Variants in NRG3 observed in about 807,000 individuals in gnomAD.
NRG3 encodes neuregulin 3, also known as pro-neuregulin-3, membrane-bound isoform.
A neutral mutation model predicts 66.9 loss-of-function variants in NRG3; 31 were observed. That is an observed-to-expected ratio of 0.46 (90% CI 0.35 to 0.63). The LOEUF (loss-of-function observed/expected upper bound fraction) is 0.63. NRG3 is among the 20% of genes least tolerant of loss of function. The pLI, the probability that NRG3 is intolerant of heterozygous loss-of-function variation, is 0.00. For synonymous variants in NRG3, 393 were observed against 359.4 expected (o/e 1.09, Z -1.06); for missense variants, 910 against 878.9 (o/e 1.04, Z -0.45).
At position 82,550,210 on chromosome 10, in the gene NRG3, T is replaced by C. The variant is rs374506748; in HGVS notation, c.954-188367T>C. On this transcript the variant is annotated intron_variant, in intron 2 of 8. Transcript: ENST00000372141. ...GTGAAAGGCTGGAGGGAAAATGGTATATTCAACATTAATAAATATTTAACA... is the reference window on the plus strand; with the variant it reads ...GTGAAAGGCTGGAGGGAAAATGGTACATTCAACATTAATAAATATTTAACA... Among the ~76,000 whole-genome samples, 143 of 152,314 alleles carry C rather than the reference T, an allele frequency of 9.4e-4. 1 individual carries two copies. Among genetic ancestry groups the C allele is most frequent in the African/African-American group, 3.4e-3 (140 of 41,582 alleles).
intron 2 of NRG3, among the ~76,000 whole-genome samples, chr10:82,467,000 A>G (rs1204156428): frequency 6.6e-6 from 1 of 152,086 alleles, no homozygotes; most frequent in Non-Finnish European, 1.5e-5. Flanking sequence ...AGCTTCAAGG[A>G]TGTGCAAGCT....
At chr10:82,467,165 G>C (rs1416683891) in intron 2 of NRG3, among the ~76,000 whole-genome samples, 3 of 152,164 alleles carry the variant, frequency 2.0e-5, no homozygotes, top group African/African-American at 7.2e-5. Flanking sequence ...TTATTGACAA[G>C]TTTATCCTTT....
rs370456291 is a variant in NRG3, at chr10:82,132,492, GAT to G, written c.824-226236_824-226235del. Among the ~76,000 whole-genome samples the G allele has an allele frequency of 7.9e-4, 29 of 36,922 alleles. 1 individual carries two copies. The highest frequency in any genetic ancestry group is 2.6e-3 in the East Asian group (4 of 1,562). The allele number at this position is 36,922 out of a possible 152,430, so 24.2% of individuals were successfully genotyped here. ...TGATATATATATGATATATATATAT[GAT>G]ATATATATATCATATATATATGATA... On this transcript the variant is annotated intron_variant, in intron 1 of 8. Coordinates refer to ENST00000372141, the MANE Select transcript of NRG3 (RefSeq NM_001010848.4).
intron 2 of NRG3, among the ~76,000 whole-genome samples, chr10:82,395,554 G>A (rs1053813594): frequency 3.9e-5 from 6 of 152,272 alleles, no homozygotes; most frequent in East Asian, 1.9e-4. Flanking sequence ...GATCTAGGCC[G>A]AAGTCTTTTA....
intron 1 of NRG3, among the ~76,000 whole-genome samples, chr10:81,980,101 T>C (rs970641843): frequency 1.3e-5 from 2 of 152,266 alleles, no homozygotes; most frequent in African/African-American, 4.8e-5. Context: ...CATTCACTTA[T>C]CTATTCCGTT....
chr10:82,673,434 A>C lies in NRG3; in HGVS notation c.954-65143A>C, dbSNP rs537551717. Reference sequence around the variant, plus strand: ...TATTTATATCAATTAGCCTATAGTAAAATTGTTTTCATTATACTGTATTTT... The same window carrying C: ...TATTTATATCAATTAGCCTATAGTACAATTGTTTTCATTATACTGTATTTT... On this transcript the variant is annotated intron_variant, in intron 2 of 8. Transcript: ENST00000372141. Among the ~76,000 whole-genome samples, 22 of 152,294 alleles carry C rather than the reference A, an allele frequency of 1.4e-4. No homozygotes were observed. In the South Asian group the frequency reaches 4.6e-3, roughly 32 times the overall value.
At chr10:82,515,236 A>T (rs1845547635) in intron 2 of NRG3, among the ~76,000 whole-genome samples, 1 of 152,224 alleles carries the variant, frequency 6.6e-6, no homozygotes, top group African/African-American at 2.4e-5. Flanking sequence ...AACAAAAGCA[A>T]ACAATATAAC....
At chr10:81,959,796 A>G (rs892062689) in intron 1 of NRG3, among the ~76,000 whole-genome samples, 1 of 152,138 alleles carries the variant, frequency 6.6e-6, no homozygotes, top group Non-Finnish European at 1.5e-5. Context: ...TGGTAAATGC[A>G]TAGTTTTACT....
chr10:82,523,780 A>G (rs1846430205), intron 2 of NRG3, among the ~76,000 whole-genome samples: 1 of 152,086 alleles, frequency 6.6e-6, no homozygotes. Flanking sequence ...CCAAACAAAG[A>G]AGGACTTCTC....
At chr10:82,909,732 G>T (rs1193405436) in intron 4 of NRG3, among the ~76,000 whole-genome samples, 1 of 152,134 alleles carries the variant, frequency 6.6e-6, no homozygotes, top group East Asian at 1.9e-4. Flanking sequence ...AGGATGTGAT[G>T]ATATTTGTTG....
At chr10:82,718,106 G>A (rs1361744659) in intron 2 of NRG3, among the ~76,000 whole-genome samples, 3 of 152,126 alleles carry the variant, frequency 2.0e-5, no homozygotes, top group Non-Finnish European at 2.9e-5. Context: ...TAAAGAGGAC[G>A]AGATCCACAT....
Position 82,151,122 on chromosome 10 carries a change from G to A in NRG3, c.824-207617G>A, listed in dbSNP as rs142244508. 1.1e-4 allele frequency among the ~76,000 whole-genome samples: 16 copies of A among 152,304 alleles called. No individual in the cohort carries two copies. The East Asian group carries it at 2.5e-3, about 24-fold the overall frequency. ...CAGAAACTCAGCTTAGCAAAGGGGC[G>A]AAGCCAGAGAGGGATATAAAGGAAC... On this transcript the variant is annotated intron_variant, in intron 1 of 8. Transcript: ENST00000372141.
chr10:82,097,563 G>A (rs1424721131), intron 1 of NRG3, among the ~76,000 whole-genome samples: 1 of 150,810 alleles, frequency 6.6e-6, no homozygotes, highest in Non-Finnish European at 1.5e-5. Flanking sequence ...TATATATAAA[G>A]CTCTTATGCA....
chr10:82,030,280 T>C (rs2062504145), intron 1 of NRG3, among the ~76,000 whole-genome samples: 1 of 152,120 alleles, frequency 6.6e-6, no homozygotes, highest in Non-Finnish European at 1.5e-5. Flanking sequence ...TTTGCTTGTC[T>C]CCTTAATGAG....
At position 82,021,783 on chromosome 10, in the gene NRG3, AGTAT is replaced by A. The variant is rs1240750239; in HGVS notation, c.823+145623_823+145626del. ...AACTCTAATAAGCTTTTGGGCATGT[AGTAT>A]GTGTGTGTGTGTGTGTGTGTGTGTG... On this transcript the variant is annotated intron_variant, in intron 1 of 8. Transcript: ENST00000372141. Among the ~76,000 whole-genome samples, 1,124 of 146,496 alleles carry A rather than the reference AGTAT, an allele frequency of 7.7e-3. 19 individuals are homozygous for A. The highest frequency in any genetic ancestry group is 0.024 in the African/African-American group (940 of 38,946).
intron 3 of NRG3, among the ~76,000 whole-genome samples, chr10:82,743,791 A>G (rs1370843806): frequency 6.6e-6 from 1 of 152,214 alleles, no homozygotes; most frequent in African/African-American, 2.4e-5. Context: ...AGCAGACACA[A>G]GGAGATTTTC....
At chr10:82,750,102 C>A (rs747520845) in intron 3 of NRG3, among the ~76,000 whole-genome samples, 14 of 152,194 alleles carry the variant, frequency 9.2e-5, no homozygotes, top group Non-Finnish European at 4.4e-5. Flanking sequence ...TATTTACATT[C>A]TATGCCCAAG....
At chr10:82,085,497 A>ACC (rs1291302527) in intron 1 of NRG3, among the ~76,000 whole-genome samples, 1 of 151,958 alleles carries the variant, frequency 6.6e-6, no homozygotes, top group East Asian at 1.9e-4. Context: ...TGAGGGCATC[A>ACC]CCCCATGGTG....
At chr10:82,488,775 G>A (rs1316419723) in intron 2 of NRG3, among the ~76,000 whole-genome samples, 1 of 152,022 alleles carries the variant, frequency 6.6e-6, no homozygotes, top group African/African-American at 2.4e-5. Flanking sequence ...TAAAACCTCA[G>A]GAATTAATGA....
Sources: gnomAD v4.1 joint callset for allele counts (sites outside exome capture counted in the v4.1 genomes callset) on GRCh38, gnomAD v4.1.1 for gene constraint, MANE v1.5 for transcripts, NCBI Gene and HGNC (gene_info 2026-07-23, HGNC 2026-07-21) for gene names.